NBAS: variants seen among roughly 807,000 people sequenced by gnomAD.
NBAS encodes NBAS subunit of NRZ tethering complex.
NBAS carries 219 observed loss-of-function variants against 302.5 expected under a neutral mutation model. The ratio of observed to expected loss-of-function variants is 0.72; its 90% CI spans 0.65 to 0.81. NBAS has a LOEUF of 0.81. Ranked by LOEUF, NBAS falls within the 30% of genes least tolerant of loss-of-function variation. The pLI, the probability that NBAS is intolerant of heterozygous loss-of-function variation, is 0.00. For synonymous variants in NBAS, 1,118 were observed against 1,021.6 expected, an observed-to-expected ratio of 1.09 and a Z score of -1.80; for missense variants, 2,932 against 2,841.6, an observed-to-expected ratio of 1.03 and a Z score of -0.72.
the NBAS span, among the ~76,000 whole-genome samples, chr2:14,813,306 T>C: frequency 6.6e-6 from 1 of 152,104 alleles, no homozygotes; most frequent in African/African-American, 2.4e-5. Context: ...TGGGGAAGGT[T>C]TGGAACTTCT....
At position 15,534,590 on chromosome 2, in the gene NBAS, A is replaced by T. The variant is rs1174750455; in HGVS notation, c.699T>A (p.Ser233Arg). Residue 233 changes from serine (S) to arginine (R), a missense_variant, in exon 9 of 52, where the codon AGT (serine) becomes AGA (arginine). Ser to Arg is a moderately radical substitution (Grantham distance 110, BLOSUM62 -1). Transcript: ENST00000281513. Reference sequence around the variant, plus strand: ...CTGTGTTGATTCCATGAGGATAATGACTACTGAAGCTGAAACAGTGACTTT... The same window carrying T: ...CTGTGTTGATTCCATGAGGATAATGTCTACTGAAGCTGAAACAGTGACTTT... The part of the protein sequence containing the change: ...YQESHCFSFS[S>R]HYPHGINTAI... The T allele has an allele frequency of 6.2e-7, 1 of 1,613,856 alleles. No individual in the cohort carries two copies. The highest frequency in any genetic ancestry group is 8.5e-7 in the Non-Finnish European group (1 of 1,179,760).
intron 21 of NBAS, among the ~76,000 whole-genome samples, chr2:15,441,030 T>C (rs966357264): frequency 4.6e-5 from 7 of 152,166 alleles, no homozygotes; most frequent in Admixed American, 6.5e-5. Context: ...CTGCATCTGA[T>C]TGGTGTACCT....
chr2:15,529,327 C>T (rs1663106246), intron 9 of NBAS, among the ~76,000 whole-genome samples: 1 of 151,842 alleles, frequency 6.6e-6, no homozygotes. Flanking sequence ...TGGTGAAACC[C>T]TATCTCTCCA....
At chr2:14,870,187 A>G in the NBAS span, among the ~76,000 whole-genome samples, 4 of 152,152 alleles carry the variant, frequency 2.6e-5, no homozygotes, top group Admixed American at 2.6e-4. Flanking sequence ...GCCCAAACCC[A>G]AACTAAGGGG....
intron 38 of NBAS, among the ~76,000 whole-genome samples, chr2:15,312,891 C>A (rs1279687555): frequency 6.6e-6 from 1 of 152,156 alleles, no homozygotes; most frequent in Non-Finnish European, 1.5e-5. Flanking sequence ...ATTTTCACTG[C>A]CACAAACTCT....
chr2:15,208,228 A>C (rs1666235902), intron 48 of NBAS, among the ~76,000 whole-genome samples: 1 of 152,182 alleles, frequency 6.6e-6, no homozygotes, highest in African/African-American at 2.4e-5. Flanking sequence ...GGCAGCAGGC[A>C]AGAGAGAAGG....
At chr2:15,316,699 A>T (rs1468696860) in intron 38 of NBAS, among the ~76,000 whole-genome samples, 1 of 152,160 alleles carries the variant, frequency 6.6e-6, no homozygotes, top group African/African-American at 2.4e-5. Context: ...CTGAGGCTTG[A>T]GTAGGTAAAT....
the NBAS span, among the ~76,000 whole-genome samples, chr2:15,024,600 C>A: frequency 6.6e-6 from 1 of 152,150 alleles, no homozygotes; most frequent in African/African-American, 2.4e-5. Context: ...TATAAGTGTT[C>A]CCTTTTCTCT....
chr2:14,878,671 C>T, the NBAS span, among the ~76,000 whole-genome samples: 16 of 152,222 alleles, frequency 1.1e-4, no homozygotes, highest in African/African-American at 3.6e-4. Flanking sequence ...TTCAGGTTCA[C>T]AGAAAAATGG....
the NBAS span, among the ~76,000 whole-genome samples, chr2:14,849,451 T>G: frequency 6.6e-6 from 1 of 151,688 alleles, no homozygotes; most frequent in African/African-American, 2.4e-5. Flanking sequence ...AATTTACGTC[T>G]GATTGGTGTA....
rs1371941865 is a variant in NBAS at position 15,277,170 on chromosome 2, C to G, written c.5139-69G>C. On this transcript the variant is annotated intron_variant, in intron 42 of 51. Coordinates refer to ENST00000281513, the MANE Select transcript of NBAS (RefSeq NM_015909.4). Reference sequence around the variant, plus strand: ...TTATTAAAGTGATTTTTTTTTTAACCAAGGAAGAAACACTACTTCTTATAG... The same window carrying G: ...TTATTAAAGTGATTTTTTTTTTAACGAAGGAAGAAACACTACTTCTTATAG... 5.8e-6 allele frequency: 9 copies of G among 1,563,978 alleles called. No individual in the cohort carries two copies. In the East Asian group the frequency reaches 1.6e-4, roughly 28 times the overall value.
intron 22 of NBAS, among the ~76,000 whole-genome samples, chr2:15,427,192 CA>C (rs1458884164): frequency 6.6e-6 from 1 of 151,830 alleles, no homozygotes; most frequent in Non-Finnish European, 1.5e-5. Flanking sequence ...AAAAGAAAAA[CA>C]AAAAGGAAGA....
chr2:15,073,727 C>T, the NBAS span, among the ~76,000 whole-genome samples: 1 of 152,046 alleles, frequency 6.6e-6, no homozygotes, highest in South Asian at 2.1e-4. Flanking sequence ...ACATTGTCTT[C>T]CTTTGTGACT....
chr2:15,441,699 G>C (rs1398986303), intron 21 of NBAS, among the ~76,000 whole-genome samples: 1 of 151,508 alleles, frequency 6.6e-6, no homozygotes, highest in African/African-American at 2.4e-5. Flanking sequence ...CCAATTAAAA[G>C]ACACAGACTG....
At chr2:14,799,037 T>C in the NBAS span, among the ~76,000 whole-genome samples, 7 of 152,048 alleles carry the variant, frequency 4.6e-5, no homozygotes, top group African/African-American at 1.4e-4. Context: ...TTTTCTCTCA[T>C]ATTTGCTATT....
At chr2:15,522,026 C>T (rs1202076941) in intron 9 of NBAS, among the ~76,000 whole-genome samples, 5 of 152,122 alleles carry the variant, frequency 3.3e-5, no homozygotes, top group Non-Finnish European at 7.4e-5. Flanking sequence ...TAATAGGAAG[C>T]TAGACAGATT....
At chr2:15,551,419 C>G in intron 6 of NBAS, 74 bp downstream of exon 6, 1 of 988,298 alleles carries the variant, frequency 1.0e-6, no homozygotes, top group Non-Finnish European at 1.5e-6. Flanking sequence ...AATATCTATT[C>G]TAACTTTTAA....
Position 15,179,065 on chromosome 2 carries a change from A to G in NBAS, c.6763T>C (p.Ser2255Pro). 1 of 1,614,180 alleles carries G rather than the reference A, an allele frequency of 6.2e-7. No homozygotes were observed. Among genetic ancestry groups the G allele is most frequent in the Non-Finnish European group, 8.5e-7 (1 of 1,180,036 alleles). ...CGGCTCTCGAGGAGAAGTTTCAGAG[A>G]TGGAAGCAGGAGGGACTGGTTAAGC... ...LLLNQSLLLP[S>P]LKLLLESRDE... The change falls in exon 51 of 52, where the codon TCT becomes CCT. Residue 2255 changes from serine to proline, a missense_variant. Coordinates refer to ENST00000281513, the MANE Select transcript of NBAS (RefSeq NM_015909.4).
chr2:15,016,820 T>C, the NBAS span, among the ~76,000 whole-genome samples: 1 of 152,048 alleles, frequency 6.6e-6, no homozygotes, highest in Non-Finnish European at 1.5e-5. Flanking sequence ...AATCAATCCG[T>C]GTATATACAG....
Sources: gnomAD v4.1 joint callset for allele counts (sites outside exome capture counted in the v4.1 genomes callset) on GRCh38, gnomAD v4.1.1 for gene constraint, MANE v1.5 for transcripts, NCBI Gene and HGNC (gene_info 2026-07-23, HGNC 2026-07-21) for gene names.